CC2D2B: variants seen among roughly 807,000 people sequenced by gnomAD.
CC2D2B encodes the protein coiled-coil and C2 domain containing 2B.
Under a neutral mutation model 161.2 loss-of-function variants are expected in CC2D2B, and 128 were observed. The ratio of observed to expected loss-of-function variants is 0.79; its 90% CI spans 0.69 to 0.92. The LOEUF (loss-of-function observed/expected upper bound fraction) is 0.92. Among genes scored for constraint, CC2D2B ranks in the 40% least tolerant of loss-of-function variants. The pLI is 0.00. For missense variants in CC2D2B, 1,173 were observed against 1,375.1 expected, an observed-to-expected ratio of 0.85 and a Z score of 2.32; for synonymous variants, 391 against 449.8, an observed-to-expected ratio of 0.87 and a Z score of 1.65.
chr10:95,973,863 A>T, intron 16 of CC2D2B, 146 bp from the exon 17 acceptor site: 1 of 221,364 alleles, frequency 4.5e-6, no homozygotes, highest in Non-Finnish European at 8.4e-6. Flanking sequence ...CTCTGTCTCA[A>T]AAAAAAAAAA....
intron 20 of CC2D2B, among the ~76,000 whole-genome samples, chr10:95,990,536 G>A (rs187281497): frequency 3.3e-5 from 5 of 152,240 alleles, no homozygotes; most frequent in African/African-American, 9.6e-5. Flanking sequence ...AGGGGCCACC[G>A]GGGTCTTGTT....
chr10:95,982,598 G>A (rs576625685), intron 18 of CC2D2B, among the ~76,000 whole-genome samples: 1 of 152,192 alleles, frequency 6.6e-6, no homozygotes, highest in Admixed American at 6.5e-5. Context: ...GTCCATAGCG[G>A]TTATCTTATT....
At chr10:95,914,474 C>T (rs1468243716) in intron 2 of CC2D2B, among the ~76,000 whole-genome samples, 1 of 151,970 alleles carries the variant, frequency 6.6e-6, no homozygotes, top group Non-Finnish European at 1.5e-5. Flanking sequence ...TGGCCGTGTC[C>T]CCATCCAAAA....
intron 11 of CC2D2B, among the ~76,000 whole-genome samples, chr10:95,959,421 A>T (rs2076687593): frequency 6.6e-6 from 1 of 152,178 alleles, no homozygotes; most frequent in Admixed American, 6.5e-5. Context: ...TGCACAAAAA[A>T]GTTTCACAAC....
chr10:95,944,462 A>G (rs2076128129), intron 9 of CC2D2B, among the ~76,000 whole-genome samples: 1 of 152,218 alleles, frequency 6.6e-6, no homozygotes, highest in Non-Finnish European at 1.5e-5. Flanking sequence ...ATTCTTTGAT[A>G]TTATGTGGCA....
Position 95,924,322 on chromosome 10 carries a change from G to A in CC2D2B, c.106G>A (p.Ala36Thr). The A allele has an allele frequency of 6.6e-7, 1 of 1,505,858 alleles. No individual in the cohort carries two copies. The highest frequency in any genetic ancestry group is 8.9e-7 in the Non-Finnish European group (1 of 1,121,028). The allele number at this position is 1,505,858 out of a possible 1,614,324, so 93.3% of individuals were successfully genotyped here. Residue 36 changes from alanine to threonine, a missense_variant, in exon 4 of 35, where the codon GCA becomes ACA. Transcript: ENST00000646931. ...IDKHLQKDLD[A>T]EENQNVAKTL... is the part of the protein sequence containing the mutation. ...TGTTGGTTTCCTGATAGATTTAGAT[G>A]CAGAAGAAAATCAAAATGTAGCAAA...
chr10:95,946,198 C>A (rs1479674010), intron 9 of CC2D2B, among the ~76,000 whole-genome samples: 2 of 152,202 alleles, frequency 1.3e-5, no homozygotes, highest in Non-Finnish European at 2.9e-5. Context: ...CTATGTGACA[C>A]CTCCTCAAAT....
chr10:95,933,253 A>C (rs915232413), intron 6 of CC2D2B, among the ~76,000 whole-genome samples: 2 of 151,728 alleles, frequency 1.3e-5, no homozygotes, highest in East Asian at 3.9e-4. Flanking sequence ...GTTCTTCTTT[A>C]AACTGGTTGT....
chr10:95,978,926 C>T (rs1320283496), intron 17 of CC2D2B, among the ~76,000 whole-genome samples: 1 of 151,970 alleles, frequency 6.6e-6, no homozygotes, highest in Non-Finnish European at 1.5e-5. Flanking sequence ...TCCATTATTT[C>T]TTGCATTTAA....
At chr10:95,944,500 C>T (rs150640715) in intron 9 of CC2D2B, among the ~76,000 whole-genome samples, 300 of 152,254 alleles carry the variant, frequency 2.0e-3, no homozygotes, top group African/African-American at 6.9e-3. Context: ...AGTGACAATG[C>T]ATTTTATCTA....
intron 12 of CC2D2B, among the ~76,000 whole-genome samples, chr10:95,964,300 C>T (rs150446154): frequency 1.3e-5 from 2 of 152,234 alleles, no homozygotes; most frequent in Admixed American, 6.5e-5. Context: ...GTCTAAGTTA[C>T]TCGTAACACT....
At chr10:95,968,669 A>T (rs2077023125) in intron 14 of CC2D2B, 55 bp from the exon 15 acceptor site, 1 of 670,720 alleles carries the variant, frequency 1.5e-6, no homozygotes, top group Admixed American at 4.4e-5. Flanking sequence ...AAAGAACAAT[A>T]TGTTATGTCT....
rs1467586364 is a variant in CC2D2B at position 96,004,141 on chromosome 10, CTTA to C, written c.2850-8_2850-6del. Reference sequence around the variant, plus strand: ...AAATTAAGCATTTGAATATATTTTTCTTATTTGCAGCTCACCAGGACATGATTA... The same window carrying C: ...AAATTAAGCATTTGAATATATTTTTCTTTGCAGCTCACCAGGACATGATTA... On this transcript the variant is annotated splice_region_variant and splice_polypyrimidine_tract_variant and intron_variant, in intron 24 of 34. Coordinates refer to ENST00000646931, the MANE Select transcript of CC2D2B (RefSeq NM_001349008.3). The C allele has an allele frequency of 4.1e-6, 6 of 1,472,282 alleles. No homozygotes were observed. Among genetic ancestry groups the C allele is most frequent in the Middle Eastern group, 1.7e-4 (1 of 5,774 alleles). 91.2% of individuals were successfully genotyped at this position (1,472,282 alleles called of 1,614,324 possible).
At chr10:95,978,134 T>A (rs2077385755) in intron 17 of CC2D2B, among the ~76,000 whole-genome samples, 1 of 152,132 alleles carries the variant, frequency 6.6e-6, no homozygotes, top group African/African-American at 2.4e-5. Flanking sequence ...ATGAAAAAAA[T>A]TTTGCTTTAT....
rs867088715 is a variant in CC2D2B, at chr10:96,029,268, A to G, written c.4125+1879A>G. On this transcript the variant is annotated intron_variant, in intron 34 of 34. Transcript: ENST00000646931. ...TATATATATATATATATATATATATATATATATATATATATATGTATATAT... is the reference window on the plus strand; with the variant it reads ...TATATATATATATATATATATATATGTATATATATATATATATGTATATAT... 2.9e-3 allele frequency among the ~76,000 whole-genome samples: 199 copies of G among 68,866 alleles called. 1 individual carries two copies. The highest frequency in any genetic ancestry group is 1.0e-2 in the African/African-American group (159 of 15,974). The allele number at this position is 68,866 out of a possible 152,430, so 45.2% of individuals were successfully genotyped here.
At chr10:95,975,171 G>A (rs2077269993) in intron 17 of CC2D2B, among the ~76,000 whole-genome samples, 1 of 152,118 alleles carries the variant, frequency 6.6e-6, no homozygotes, top group African/African-American at 2.4e-5. Context: ...AAAAAATTAT[G>A]TTTTAAAAAT....
chr10:96,021,487 C>A (rs1054197689), intron 32 of CC2D2B: 1 of 152,250 alleles, frequency 6.6e-6, no homozygotes, highest in East Asian at 1.9e-4. Flanking sequence ...GTGGAACCCA[C>A]ATGCCAGGAG....
rs1182321477 is a variant in CC2D2B at position 95,993,940 on chromosome 10, GTGTA to G, written c.2642+1251_2642+1254del. Among the ~76,000 whole-genome samples the G allele has an allele frequency of 4.0e-3, 106 of 26,230 alleles. 1 individual carries two copies. Among genetic ancestry groups the G allele is most frequent in the Non-Finnish European group, 5.5e-3 (83 of 14,956 alleles). 17.2% of individuals were successfully genotyped at this position (26,230 alleles called of 152,430 possible). A position where few individuals can be genotyped will look rare whatever the true frequency, so the allele number is the denominator to read the frequency against. On this transcript the variant is annotated intron_variant, in intron 22 of 34. Coordinates refer to ENST00000646931, the MANE Select transcript of CC2D2B (RefSeq NM_001349008.3). ...TGTGTGTGTGTGTGTGTGTGTGTGT[GTGTA>G]TGTATGTGTATATATATATATATAT...
At chr10:96,028,121 A>G (rs2079863192) in intron 34 of CC2D2B, among the ~76,000 whole-genome samples, 1 of 152,210 alleles carries the variant, frequency 6.6e-6, no homozygotes, top group Non-Finnish European at 1.5e-5. Flanking sequence ...CAACCAAAGA[A>G]AAAATGGACA....
Sources: gnomAD v4.1 joint callset for allele counts (sites outside exome capture counted in the v4.1 genomes callset) on GRCh38, gnomAD v4.1.1 for gene constraint, MANE v1.5 for transcripts, NCBI Gene and HGNC (gene_info 2026-07-23, HGNC 2026-07-21) for gene names.